Variants in ADAMTS12 observed in about 807,000 individuals in gnomAD.
ADAMTS12 encodes the protein ADAM metallopeptidase with thrombospondin type 1 motif 12.
Under a neutral mutation model 167.8 loss-of-function variants are expected in ADAMTS12, and 118 were observed. That is an observed-to-expected ratio of 0.70 (90% CI 0.61 to 0.82). The LOEUF is 0.82. Ranked by LOEUF, ADAMTS12 falls within the 40% of genes least tolerant of loss-of-function variation. The pLI is 0.00. For missense variants in ADAMTS12, 1,916 were observed against 1,998.8 expected, an observed-to-expected ratio of 0.96 and a Z score of 0.79; for synonymous variants, 704 against 716.9, an observed-to-expected ratio of 0.98 and a Z score of 0.29.
intron 19 of ADAMTS12, 95 bp downstream of exon 19, chr5:33,575,959 A>G (rs1447611781): frequency 1.3e-5 from 19 of 1,493,820 alleles, no homozygotes; most frequent in Non-Finnish European, 1.7e-5. Context: ...AATAGAATAT[A>G]TTTTAATGCA....
chr5:33,611,788 TG>T (rs1437750882), intron 16 of ADAMTS12, among the ~76,000 whole-genome samples: 1 of 152,076 alleles, frequency 6.6e-6, no homozygotes, highest in Non-Finnish European at 1.5e-5. Flanking sequence ...ATCTAACACA[TG>T]AAAAAGTATC....
At chr5:33,811,969 C>T (rs1057059263) in intron 2 of ADAMTS12, among the ~76,000 whole-genome samples, 2 of 152,034 alleles carry the variant, frequency 1.3e-5, no homozygotes, top group African/African-American at 4.8e-5. Flanking sequence ...ATGACATAAA[C>T]GATAGGGAAG....
At chr5:33,716,458 TCTATCTAG>T (rs1743619004) in intron 3 of ADAMTS12, among the ~76,000 whole-genome samples, 1 of 152,152 alleles carries the variant, frequency 6.6e-6, no homozygotes, top group Non-Finnish European at 1.5e-5. Context: ...CAATTGTGTA[TCTATCTAG>T]CTCAGCAATC....
intron 3 of ADAMTS12, among the ~76,000 whole-genome samples, chr5:33,736,051 T>G: frequency 6.6e-6 from 1 of 151,220 alleles, no homozygotes; most frequent in East Asian, 2.0e-4. Context: ...GTATTCTTTT[T>G]TTGCTGTTTT....
At chr5:33,834,016 C>T (rs1314432272) in intron 2 of ADAMTS12, among the ~76,000 whole-genome samples, 2 of 147,560 alleles carry the variant, frequency 1.4e-5, no homozygotes, top group Non-Finnish European at 2.9e-5. Context: ...AAGGTTAGTT[C>T]CTTTGGAGGG....
intron 3 of ADAMTS12, among the ~76,000 whole-genome samples, chr5:33,736,592 A>C (rs1211114840): frequency 1.3e-5 from 2 of 152,220 alleles, no homozygotes; most frequent in Non-Finnish European, 2.9e-5. Flanking sequence ...AGTAACCTCG[A>C]CATTTCCCCA....
rs371361384 is a variant in ADAMTS12, at chr5:33,637,743, T to C, written c.1722A>G (p.Pro574=). The change falls in exon 12 of 24, where the codon CCA becomes CCG. Residue 574 remains proline (P), a synonymous_variant. Coordinates refer to ENST00000504830, the MANE Select transcript of ADAMTS12 (RefSeq NM_030955.4). ...SAERLCNNPE[P]KFGGKYCTGE... is the part of the protein sequence containing the mutation. ...CAGTGCAATATTTCCCTCCAAACTT[T>C]GGCCTGCAAATGAAACAGACAAGCT... is the stretch of plus-strand genomic sequence containing the variant. 25 of 1,612,330 alleles carry C rather than the reference T, an allele frequency of 1.6e-5. No homozygotes were observed. The highest frequency in any genetic ancestry group is 2.0e-5 in the Non-Finnish European group (24 of 1,178,994).
intron 2 of ADAMTS12, among the ~76,000 whole-genome samples, chr5:33,797,210 A>T (rs941557529): frequency 6.6e-6 from 1 of 152,224 alleles, no homozygotes; most frequent in Non-Finnish European, 1.5e-5. Flanking sequence ...AGAAGAATTT[A>T]GACTTCACTT....
chr5:33,685,377 A>G (rs145324129), intron 3 of ADAMTS12, among the ~76,000 whole-genome samples: 9 of 152,162 alleles, frequency 5.9e-5, no homozygotes, highest in African/African-American at 2.2e-4. Flanking sequence ...TCTCTGAAGC[A>G]TCTAGGACTA....
At chr5:33,628,266 ATG>A (rs1255917896) in intron 13 of ADAMTS12, among the ~76,000 whole-genome samples, 2 of 152,150 alleles carry the variant, frequency 1.3e-5, no homozygotes, top group African/African-American at 2.4e-5. Context: ...GACAGTGGGT[ATG>A]AGAGTGAGAG....
rs1358509553 is a variant in ADAMTS12 at position 33,658,314 on chromosome 5, A to T, written c.1060T>A (p.Phe354Ile). The change falls in exon 7 of 24, where the codon TTC becomes ATC. Residue 354 changes from phenylalanine to isoleucine, a missense_variant. Coordinates refer to ENST00000504830, the MANE Select transcript of ADAMTS12 (RefSeq NM_030955.4). ...LLTRKDICAG[F>I]NRPCETLGLS... ...CCCAGGGTCTCGCAGGGGCGATTGA[A>T]ACCAGCACAGATGTCCTTTCTGAAA... is the stretch of plus-strand genomic sequence containing the variant. 11 of 1,613,628 alleles carry T rather than the reference A, an allele frequency of 6.8e-6. No individual in the cohort carries two copies. Among genetic ancestry groups the T allele is most frequent in the Non-Finnish European group, 9.3e-6 (11 of 1,179,624 alleles).
chr5:33,579,719 C>T (rs1746961412), intron 18 of ADAMTS12, among the ~76,000 whole-genome samples: 2 of 152,228 alleles, frequency 1.3e-5, no homozygotes, highest in Non-Finnish European at 2.9e-5. Context: ...GAAACAGAGA[C>T]AGCAGCACCT....
chr5:33,646,457 A>G (rs981860105), intron 9 of ADAMTS12, among the ~76,000 whole-genome samples: 3 of 152,196 alleles, frequency 2.0e-5, no homozygotes, highest in Admixed American at 2.0e-4. Flanking sequence ...CCTGAAATCT[A>G]GGTACACAGA....
intron 3 of ADAMTS12, among the ~76,000 whole-genome samples, chr5:33,734,711 C>A (rs190204419): frequency 1.3e-5 from 2 of 152,282 alleles, no homozygotes; most frequent in African/African-American, 4.8e-5. Context: ...GATGACAACA[C>A]CAAAGGCCTG....
chr5:33,708,847 A>G (rs1367572338), intron 3 of ADAMTS12, among the ~76,000 whole-genome samples: 1 of 152,082 alleles, frequency 6.6e-6, no homozygotes, highest in Non-Finnish European at 1.5e-5. Context: ...TCTAATGTAG[A>G]TAACGGGTCG....
chr5:33,539,922 C>T (rs879929587), intron 22 of ADAMTS12, among the ~76,000 whole-genome samples: 4 of 152,106 alleles, frequency 2.6e-5, no homozygotes, highest in Non-Finnish European at 4.4e-5. Context: ...ACTGAGGTAC[C>T]TGGTTCATCT....
At chr5:33,704,989 T>C (rs1017580521) in intron 3 of ADAMTS12, among the ~76,000 whole-genome samples, 4 of 152,140 alleles carry the variant, frequency 2.6e-5, no homozygotes. Flanking sequence ...TTTTTTTGTA[T>C]ATAGTGTGAG....
intron 2 of ADAMTS12, among the ~76,000 whole-genome samples, chr5:33,853,770 T>G (rs911527025): frequency 6.6e-6 from 1 of 152,260 alleles, no homozygotes; most frequent in African/African-American, 2.4e-5. Context: ...AATGGGTCAA[T>G]GCTTCTCAAA....
chr5:33,839,068 G>A (rs1748641122), intron 2 of ADAMTS12, among the ~76,000 whole-genome samples: 1 of 152,158 alleles, frequency 6.6e-6, no homozygotes, highest in African/African-American at 2.4e-5. Flanking sequence ...CCTAAAACAG[G>A]TCTTTTCAAA....
Sources: allele counts gnomAD v4.1 joint callset (sites outside exome capture counted in the v4.1 genomes callset), GRCh38; gene constraint gnomAD v4.1.1; transcripts MANE v1.5; gene names NCBI Gene and HGNC (gene_info 2026-07-23, HGNC 2026-07-21).